Variants in PTPRM observed in about 807,000 individuals in gnomAD.
PTPRM encodes the protein receptor-type tyrosine-protein phosphatase mu.
PTPRM carries 47 observed loss-of-function variants against 186.7 expected under a neutral mutation model. The observed-to-expected ratio is 0.25, with a 90% CI of 0.20 to 0.32. The LOEUF is 0.32. Ranked by LOEUF, PTPRM falls within the 10% of genes least tolerant of loss-of-function variation. PTPRM has a pLI of 1.00. For synonymous variants in PTPRM, 668 were observed against 674.9 expected (o/e 0.99, Z 0.16); for missense variants, 1,494 against 1,865.0 (o/e 0.80, Z 3.66).
At chr18:7,704,173 G>T (rs1023966486) in intron 1 of PTPRM, among the ~76,000 whole-genome samples, 3 of 152,182 alleles carry the variant, frequency 2.0e-5, no homozygotes, top group African/African-American at 7.2e-5. Context: ...GTATCAGGAT[G>T]ATGCTGGCCT....
At chr18:8,156,838 C>CT (rs5822992) in intron 14 of PTPRM, among the ~76,000 whole-genome samples, 95,524 of 151,992 alleles carry the variant, frequency 0.63, 31,602 homozygotes, top group East Asian at 0.97. Flanking sequence ...TAAATAAATG[C>CT]TTTTTTCGTA....
At chr18:7,819,189 G>T (rs1224412043) in intron 2 of PTPRM, among the ~76,000 whole-genome samples, 1 of 152,096 alleles carries the variant, frequency 6.6e-6, no homozygotes, top group African/African-American at 2.4e-5. Flanking sequence ...TCACCCCCAG[G>T]CCTGTGCCTG....
chr18:7,818,928 G>C (rs1188091538), intron 2 of PTPRM, among the ~76,000 whole-genome samples: 1 of 152,204 alleles, frequency 6.6e-6, no homozygotes, highest in Non-Finnish European at 1.5e-5. Context: ...ATTATAGACA[G>C]AGCCCTAGAA....
chr18:7,828,780 C>G (rs78347231), intron 2 of PTPRM, among the ~76,000 whole-genome samples: 3,593 of 152,276 alleles, frequency 0.024, 149 homozygotes, highest in African/African-American at 0.082. Context: ...ACTAGCCCTA[C>G]TGGTCCTACA....
At chr18:8,391,439 C>T (rs1302804292) in intron 31 of PTPRM, among the ~76,000 whole-genome samples, 1 of 152,202 alleles carries the variant, frequency 6.6e-6, no homozygotes, top group Non-Finnish European at 1.5e-5. Context: ...CAATATAACA[C>T]CGTGGGTGAT....
intron 3 of PTPRM, among the ~76,000 whole-genome samples, chr18:7,888,647 C>A (rs1567971971): frequency 6.6e-6 from 1 of 152,042 alleles, no homozygotes; most frequent in African/African-American, 2.4e-5. Context: ...AAAGGAAAAT[C>A]AATTACATGA....
intron 23 of PTPRM, among the ~76,000 whole-genome samples, chr18:8,361,524 G>T (rs1401940166): frequency 6.6e-6 from 1 of 152,170 alleles, no homozygotes; most frequent in African/African-American, 2.4e-5. Context: ...AAACTTAAAA[G>T]ACATTAATAA....
intron 3 of PTPRM, among the ~76,000 whole-genome samples, chr18:7,901,121 GCA>G (rs1434331638): frequency 6.6e-6 from 1 of 152,116 alleles, no homozygotes. Context: ...ACTGGGTTCT[GCA>G]CACACTTGGT....
intron 23 of PTPRM, among the ~76,000 whole-genome samples, chr18:8,369,069 A>G (rs1420479277): frequency 6.6e-6 from 1 of 152,204 alleles, no homozygotes; most frequent in Admixed American, 6.5e-5. Context: ...CTGGGAAGAA[A>G]TGGATGGGAG....
At position 7,567,752 on chromosome 18, in the gene PTPRM, C is replaced by T. The variant is rs936062439; in HGVS notation, c.-67C>T. ...CTCGCTGCCTCGGAACCAAAGCTCCCGGCCCCCTCCGCCCTCGCGCGCCCA... is the reference window on the plus strand; with the variant it reads ...CTCGCTGCCTCGGAACCAAAGCTCCTGGCCCCCTCCGCCCTCGCGCGCCCA... On this transcript the variant is annotated 5_prime_UTR_variant, in exon 1 of 33. Coordinates refer to ENST00000580170, the MANE Select transcript of PTPRM (RefSeq NM_001105244.2). This position sits in a 1 kb window ranked among gnomAD's most constrained non-coding sequence, Gnocchi z 4.3. 97 of 1,402,122 alleles carry T rather than the reference C, an allele frequency of 6.9e-5. No homozygotes were observed. The highest frequency in any genetic ancestry group is 1.1e-4 in the Admixed American group (4 of 37,824). 86.9% of individuals were successfully genotyped at this position (1,402,122 alleles called of 1,614,324 possible).
chr18:7,880,363 T>C (rs2048445756), intron 2 of PTPRM, among the ~76,000 whole-genome samples: 1 of 152,140 alleles, frequency 6.6e-6, no homozygotes, highest in East Asian at 1.9e-4. Flanking sequence ...AAATGGTCTT[T>C]TTCAGTAGTT....
chr18:7,696,898 T>C (rs1023967252), intron 1 of PTPRM, among the ~76,000 whole-genome samples: 3 of 152,242 alleles, frequency 2.0e-5, no homozygotes, highest in African/African-American at 7.2e-5. Flanking sequence ...TGCATGTTTT[T>C]ATGCAGGGCC....
At chr18:8,325,856 TTAA>T (rs1274020684) in intron 22 of PTPRM, among the ~76,000 whole-genome samples, 1 of 152,220 alleles carries the variant, frequency 6.6e-6, no homozygotes, top group Non-Finnish European at 1.5e-5. Context: ...TTTTTTCTTT[TTAA>T]TAATAGCCAT....
chr18:7,596,954 AGCGATTCTCGTG>A (rs1457901235), intron 1 of PTPRM, among the ~76,000 whole-genome samples: 1 of 151,904 alleles, frequency 6.6e-6, no homozygotes, highest in Non-Finnish European at 1.5e-5. Context: ...CCCAGGCTCA[AGCGATTCTCGTG>A]CTTCAGCCTC....
At chr18:7,835,963 C>T (rs892294450) in intron 2 of PTPRM, among the ~76,000 whole-genome samples, 1 of 151,888 alleles carries the variant, frequency 6.6e-6, no homozygotes, top group African/African-American at 2.4e-5. Flanking sequence ...TTTTCCATCC[C>T]TTTATTTTTA....
chr18:8,172,380 G>A (rs891292477), intron 14 of PTPRM, among the ~76,000 whole-genome samples: 1 of 150,936 alleles, frequency 6.6e-6, no homozygotes, highest in Non-Finnish European at 1.5e-5. Flanking sequence ...GTTAGTAGCT[G>A]TGTCTTCAAT....
chr18:8,402,231 G>A (rs935001788), intron 32 of PTPRM, among the ~76,000 whole-genome samples: 12 of 152,184 alleles, frequency 7.9e-5, no homozygotes, highest in African/African-American at 2.7e-4. Flanking sequence ...ACAACAATTT[G>A]TGGTCTTCCT....
chr18:8,227,213 T>C (rs2094224342), intron 14 of PTPRM, among the ~76,000 whole-genome samples: 1 of 152,206 alleles, frequency 6.6e-6, no homozygotes, highest in African/African-American at 2.4e-5. Context: ...TCGAGATTAG[T>C]AGGTGGATGC....
At chr18:8,343,362 G>A (rs932013725) in intron 22 of PTPRM, 61 bp from the exon 23 acceptor site, 32 of 1,482,054 alleles carry the variant, frequency 2.2e-5, no homozygotes, top group Middle Eastern at 1.8e-4. Flanking sequence ...TGTAAGCCCC[G>A]GAAATTTTCC....
Sources: gnomAD v4.1 joint callset for allele counts (sites outside exome capture counted in the v4.1 genomes callset) on GRCh38, gnomAD v4.1.1 for gene constraint, Gnocchi (gnomAD v3.1) non-coding constraint, MANE v1.5 for transcripts, NCBI Gene and HGNC (gene_info 2026-07-23, HGNC 2026-07-21) for gene names.